SNX31: variants seen among roughly 807,000 people sequenced by gnomAD.
SNX31 encodes the protein sorting nexin 31.
A neutral mutation model predicts 65.4 loss-of-function variants in SNX31; 58 were observed. The ratio of observed to expected loss-of-function variants is 0.89; its 90% confidence interval spans 0.72 to 1.10. The LOEUF (loss-of-function observed/expected upper bound fraction) is 1.10, where lower values mean the gene tolerates loss of function less well. SNX31 is among the 50% of genes least tolerant of loss of function. The pLI is 0.00. For synonymous variants in SNX31, 181 were observed against 190.1 expected (o/e 0.95, Z 0.39); for missense variants, 523 against 529.7 (o/e 0.99, Z 0.12).
rs1401988460 is a variant in SNX31 at position 100,581,325 on chromosome 8, C to CTATATATA, written c.1170+2785_1170+2786insTATATATA. On this transcript the variant is annotated intron_variant, in intron 12 of 13. Transcript: ENST00000311812. ...AAAAAAATTTTTTATATATCTATAT[C>CTATATATA]TATCTATCTATCTATATATATATAT... Among the ~76,000 whole-genome samples, 602 of 129,248 alleles carry CTATATATA rather than the reference C, an allele frequency of 4.7e-3. 3 individuals carry two copies. The highest frequency in any genetic ancestry group is 0.014 in the Admixed American group (180 of 13,084). 84.8% of individuals were successfully genotyped at this position (129,248 alleles called of 152,430 possible).
At position 100,612,013 on chromosome 8, in the gene SNX31, C is replaced by T; in HGVS notation, c.598G>A (p.Gly200Arg). 1 of 1,614,000 alleles carries T rather than the reference C, an allele frequency of 6.2e-7. No homozygotes were observed. The highest frequency in any genetic ancestry group is 1.1e-5 in the South Asian group (1 of 91,064). The change falls in exon 7 of 14, where the codon GGA (glycine) becomes AGA (arginine). Residue 200 changes from glycine to arginine, a missense_variant. Coordinates refer to ENST00000311812, the MANE Select transcript of SNX31 (RefSeq NM_152628.4). This position sits in a 1 kb window ranked among gnomAD's most constrained non-coding sequence, Gnocchi z 4.3. ...GAACCTACTTACCACTTTCGGAGTC[C>T]AACCTTACAGTTTTCCACCTCAGAA... ...GSSEVENCKV[G>R]LRKWYMAPSL... is the part of the protein sequence containing the mutation.
chr8:100,606,610 A>G (rs568606016), intron 8 of SNX31, among the ~76,000 whole-genome samples: 1 of 152,318 alleles, frequency 6.6e-6, no homozygotes, highest in South Asian at 2.1e-4. Context: ...AGTAGGTTTT[A>G]TTAACATTCC....
In SNX31 at chr8:100,649,437, C is replaced by T; in HGVS notation, c.66+12G>A. 6.3e-7 allele frequency: 1 copy of T among 1,588,382 alleles called. No homozygotes were observed. ...CCCTCCCTGCCCACCCTGACCCCAG[C>T]CCTGGGCGCACCACGTAGCGGCCCC... On this transcript the variant is annotated intron_variant, in intron 1 of 13. Transcript: ENST00000311812.
At chr8:100,657,654 GA>G in intron 1 of SNX31, 2 of 456,108 alleles carry the variant, frequency 4.4e-6, no homozygotes, top group South Asian at 3.1e-5. Context: ...GAGCCAGTCT[GA>G]AGTGGAGGGA....
intron 2 of SNX31, among the ~76,000 whole-genome samples, chr8:100,640,478 ACT>A (rs147328591): frequency 0.066 from 10,000 of 152,254 alleles, 454 homozygotes; most frequent in Non-Finnish European, 0.095. Context: ...ATAAATCCCC[ACT>A]CTCAGTGTGG....
At chr8:100,621,429 C>T (rs541768358) in intron 4 of SNX31, among the ~76,000 whole-genome samples, 1 of 152,192 alleles carries the variant, frequency 6.6e-6, no homozygotes, top group Non-Finnish European at 1.5e-5. Context: ...TTACTGGCAA[C>T]AGGTAAGAAA....
chr8:100,644,269 G>A (rs927443485), intron 2 of SNX31, among the ~76,000 whole-genome samples: 13 of 152,186 alleles, frequency 8.5e-5, no homozygotes, highest in Admixed American at 6.5e-5. Context: ...TGCCATGTCT[G>A]ATGCTGGCAG....
chr8:100,635,476 A>C (rs1818702420), intron 3 of SNX31, among the ~76,000 whole-genome samples: 1 of 151,286 alleles, frequency 6.6e-6, no homozygotes, highest in Admixed American at 6.6e-5. Flanking sequence ...CCTGGCCTCA[A>C]GTGATCCTCC....
rs564573228 is a variant in SNX31 at position 100,600,237 on chromosome 8, G to A, written c.774+112C>T. ...GAAGATATTCTTATTTTTTTAAAAA[G>A]AGCCCCACTTTTAGTGCTTGGTAGG... is the stretch of plus-strand genomic sequence containing the variant. On this transcript the variant is annotated intron_variant, in intron 9 of 13. Transcript: ENST00000311812. 5.0e-5 allele frequency: 40 copies of A among 797,620 alleles called. 2 individuals carry two copies. In the South Asian group the frequency reaches 5.9e-4, roughly 12 times the overall value. 49.4% of individuals were successfully genotyped at this position (797,620 alleles called of 1,614,324 possible).
At chr8:100,651,369 A>G (rs1393879428), upstream of SNX31, among the ~76,000 whole-genome samples, 4 of 152,174 alleles carry the variant, frequency 2.6e-5, no homozygotes, top group Non-Finnish European at 5.9e-5. Context: ...CTTCAGGGCA[A>G]AGCAGAGCAT....
At chr8:100,574,645 AAAG>A (rs1563503493) in intron 13 of SNX31, among the ~76,000 whole-genome samples, 1 of 151,312 alleles carries the variant, frequency 6.6e-6, no homozygotes, top group Non-Finnish European at 1.5e-5. Flanking sequence ...AAAAAAAAAA[AAAG>A]AAGAGGCCGT....
chr8:100,580,920 G>A (rs551609313), intron 12 of SNX31, among the ~76,000 whole-genome samples: 14 of 152,174 alleles, frequency 9.2e-5, no homozygotes, highest in African/African-American at 3.4e-4. Context: ...CAAATATTAA[G>A]GAAATTGATT....
At chr8:100,600,227 T>G in intron 9 of SNX31, 122 bp downstream of exon 9, 1 of 742,716 alleles carries the variant, frequency 1.3e-6, no homozygotes, top group Admixed American at 2.8e-5. Flanking sequence ...TATTCTTATT[T>G]TTTTAAAAAG....
intron 4 of SNX31, chr8:100,618,660 T>G: frequency 4.5e-6 from 2 of 446,990 alleles, no homozygotes; most frequent in Non-Finnish European, 7.9e-6. Flanking sequence ...GATAGTTTGC[T>G]AGAACAACTC....
chr8:100,589,469 A>C (rs983916369), intron 10 of SNX31, among the ~76,000 whole-genome samples: 1 of 152,192 alleles, frequency 6.6e-6, no homozygotes, highest in Non-Finnish European at 1.5e-5. Context: ...GGTCTATGGA[A>C]GTAAATAGGA....
rs140967906 is a variant in SNX31, at chr8:100,611,062, C to T, written c.611+938G>A. On this transcript the variant is annotated intron_variant, in intron 7 of 13. Transcript: ENST00000311812. The stretch of plus-strand genomic sequence containing the variant: ...TTGTTCTCCACAGGCTCCTGTGTTA[C>T]TGGAGGAAATGACAGTATTTTCTGC... Among the ~76,000 whole-genome samples the T allele has an allele frequency of 5.9e-3, 903 of 152,246 alleles. 6 individuals carry two copies. Among genetic ancestry groups the T allele is most frequent in the Middle Eastern group, 0.014 (4 of 294 alleles).
chr8:100,658,997 G>T (rs1161453301), intron 1 of SNX31, among the ~76,000 whole-genome samples: 1 of 152,054 alleles, frequency 6.6e-6, no homozygotes, highest in Non-Finnish European at 1.5e-5. Flanking sequence ...GATTCATGTG[G>T]GATTCACACA....
intron 11 of SNX31, among the ~76,000 whole-genome samples, chr8:100,586,006 C>T (rs1395315634): frequency 1.3e-5 from 2 of 151,932 alleles, no homozygotes; most frequent in South Asian, 2.1e-4. Context: ...CTACAACCTT[C>T]GCCTCCCAGA....
At chr8:100,606,782 C>A (rs1816203303) in intron 8 of SNX31, among the ~76,000 whole-genome samples, 1 of 152,216 alleles carries the variant, frequency 6.6e-6, no homozygotes, top group Non-Finnish European at 1.5e-5. Flanking sequence ...TAATCCAAAC[C>A]CACTACTCAA....
Sources: allele counts gnomAD v4.1 joint callset (sites outside exome capture counted in the v4.1 genomes callset), GRCh38; gene constraint gnomAD v4.1.1; non-coding constraint Gnocchi (gnomAD v3.1); transcripts MANE v1.5; gene names NCBI Gene and HGNC (gene_info 2026-07-23, HGNC 2026-07-21).